The following SMN2 variants were observed in gnomAD, a reference collection of about 807,000 sequenced individuals.
SMN2 encodes the protein survival motor neuron protein.
SMN2 carries 1 observed loss-of-function variant against 2.8 expected under a neutral mutation model. That is an observed-to-expected ratio of 0.35 (90% CI 0.13 to 1.68). SMN2 has a LOEUF of 1.68. Among genes scored for constraint, SMN2 ranks in the 40% most tolerant of loss-of-function variants. The probability of loss-of-function intolerance (pLI) is 0.35; values close to 1 mark genes in which losing one functional copy is unlikely to be tolerated. For missense variants in SMN2, 12 were observed against 16.9 expected, an observed-to-expected ratio of 0.71 and a Z score of 0.51; for synonymous variants, 5 against 5.0, an observed-to-expected ratio of 0.99 and a Z score of 0.01.
rs1363074123 is a variant in SMN2, at chr5:70,074,830, T to C, written c.835-1691T>C. On this transcript the variant is annotated intron_variant, in intron 7 of 8. Transcript: ENST00000380743. ...CAACATGGAGAAACCCTGTCTCTAC[T>C]AAAAATACAAAACTAGCCGGGCATG... Among the ~76,000 whole-genome samples the C allele has an allele frequency of 2.8e-5, 3 of 108,720 alleles. No homozygotes were observed. In the East Asian group the frequency reaches 8.3e-4, roughly 30 times the overall value. 71.3% of individuals were successfully genotyped at this position (108,720 alleles called of 152,430 possible).
rs1335821414 is a variant in SMN2 at position 70,076,001 on chromosome 5, C to G, written c.835-520C>G. On this transcript the variant is annotated intron_variant, in intron 7 of 8. Transcript: ENST00000380743. Reference sequence around the variant, plus strand: ...CCCAAGTAGCTGGGATTAGAGGTCCCCACCACCATGCCTGGCTAATTTTTT... The same window carrying G: ...CCCAAGTAGCTGGGATTAGAGGTCCGCACCACCATGCCTGGCTAATTTTTT... Among the ~76,000 whole-genome samples the G allele has an allele frequency of 1.1e-3, 133 of 126,014 alleles. 40 individuals are homozygous for G. The highest frequency in any genetic ancestry group is 4.6e-3 in the African/African-American group (128 of 27,972). 82.7% of individuals were successfully genotyped at this position (126,014 alleles called of 152,430 possible).
chr5:70,082,259 G>A (rs1230182363), downstream of SMN2, among the ~76,000 whole-genome samples: 1 of 123,592 alleles, frequency 8.1e-6, no homozygotes, highest in South Asian at 2.5e-4. Flanking sequence ...GCTGGATTCG[G>A]TTTGCCAGTA....
At chr5:70,083,072 T>C (rs1742055637), downstream of SMN2, among the ~76,000 whole-genome samples, 1 of 37,212 alleles carries the variant, frequency 2.7e-5, no homozygotes, top group East Asian at 6.2e-4. Flanking sequence ...TTTGTTCTCG[T>C]TGGTTTCAAA....
chr5:70,083,487 G>A (rs1318561350), downstream of SMN2, among the ~76,000 whole-genome samples: 1 of 135,598 alleles, frequency 7.4e-6, no homozygotes, highest in Non-Finnish European at 1.5e-5. Context: ...ATGCTGCTAT[G>A]AAGACACATG....
downstream of SMN2, among the ~76,000 whole-genome samples, chr5:70,079,904 G>A (rs1440142204): frequency 9.1e-5 from 9 of 98,798 alleles, no homozygotes; most frequent in African/African-American, 3.6e-4. Context: ...CTCCCACCTC[G>A]GGCTCCCAAA....
chr5:70,079,819 C>CT (rs200191056), downstream of SMN2, among the ~76,000 whole-genome samples: 139 of 32,784 alleles, frequency 4.2e-3, 15 homozygotes, highest in Admixed American at 8.6e-3. Context: ...CTTCTGTACA[C>CT]TTTTTTTTTT....
At chr5:70,075,667 T>C (rs1774729144) in intron 7 of SMN2, among the ~76,000 whole-genome samples, 1 of 120,968 alleles carries the variant, frequency 8.3e-6, no homozygotes. Flanking sequence ...TTTTTAAATT[T>C]TTTACATTTA....
At chr5:70,079,448 A>AAAAC (rs1774822044), downstream of SMN2, among the ~76,000 whole-genome samples, 1 of 149,812 alleles carries the variant, frequency 6.7e-6, no homozygotes, top group Non-Finnish European at 1.5e-5. Context: ...AAAAAAAAAA[A>AAAAC]AAACACGTTA....
chr5:70,083,755 G>T, the SMN2 span, among the ~76,000 whole-genome samples: 12 of 128,004 alleles, frequency 9.4e-5, no homozygotes, highest in Admixed American at 8.7e-4. Flanking sequence ...TGAACAATGA[G>T]AACACATGGA....
At position 70,075,865 on chromosome 5, in the gene SMN2, T is replaced by A. The variant is rs1365674712; in HGVS notation, c.835-656T>A. On this transcript the variant is annotated intron_variant, in intron 7 of 8. Coordinates refer to ENST00000380743, the MANE Select transcript of SMN2 (RefSeq NM_017411.4). ...AATTTTTATTTTTATTTATTTATTT[T>A]TTTTTGAGACAGAGTCTTGCTCTGT... Among the ~76,000 whole-genome samples, 80 of 114,262 alleles carry A rather than the reference T, an allele frequency of 7.0e-4. 5 individuals carry two copies. The East Asian group carries it at 0.011, about 15-fold the overall frequency. 75.0% of individuals were successfully genotyped at this position (114,262 alleles called of 152,430 possible).
downstream of SMN2, among the ~76,000 whole-genome samples, chr5:70,079,686 G>T (rs549664501): frequency 3.6e-5 from 5 of 137,956 alleles, no homozygotes; most frequent in South Asian, 1.1e-3. Context: ...GAGTACAGGA[G>T]GTTGAGGCTG....
rs1389687734 is a variant in SMN2, at chr5:70,075,940, G to A, written c.835-581G>A. 6.5e-5 allele frequency among the ~76,000 whole-genome samples: 8 copies of A among 124,002 alleles called. No individual in the cohort carries two copies. In the East Asian group the frequency reaches 1.3e-3, roughly 20 times the overall value. 81.4% of individuals were successfully genotyped at this position (124,002 alleles called of 152,430 possible). On this transcript the variant is annotated intron_variant, in intron 7 of 8. Coordinates refer to ENST00000380743, the MANE Select transcript of SMN2 (RefSeq NM_017411.4). ...TAAATCTCAGCTCACTGCAGCCTCC[G>A]CCTCCTGGGTTCAAGTGATTCTCCT... is the stretch of plus-strand genomic sequence containing the variant.
At chr5:70,083,626 G>A in the SMN2 span, among the ~76,000 whole-genome samples, 1 of 135,740 alleles carries the variant, frequency 7.4e-6, no homozygotes, top group East Asian at 2.1e-4. Context: ...GCAACCATAA[G>A]AAATGATGAG....
At chr5:70,084,941 A>T in the SMN2 span, among the ~76,000 whole-genome samples, 1 of 138,366 alleles carries the variant, frequency 7.2e-6, no homozygotes, top group East Asian at 2.1e-4. Flanking sequence ...AACCTTACCC[A>T]GATATTCCCA....
intron 7 of SMN2, chr5:70,071,400 AC>A (rs1291737829): frequency 3.2e-5 from 4 of 124,340 alleles, no homozygotes; most frequent in African/African-American, 1.2e-4. Context: ...GGTAATGTGT[AC>A]CACATTGAAC....
intron 1 of SMN2, among the ~76,000 whole-genome samples, chr5:70,052,542 TAAAAAA>T (rs1319920885): frequency 6.2e-5 from 1 of 16,200 alleles, no homozygotes; most frequent in Non-Finnish European, 1.6e-4. Flanking sequence ...ACTTTGTCTT[TAAAAAA>T]AAAAAAAAAA....
chr5:70,074,960 C>T (rs1376271229), intron 7 of SMN2, among the ~76,000 whole-genome samples: 2 of 127,008 alleles, frequency 1.6e-5, no homozygotes, highest in East Asian at 4.4e-4. Flanking sequence ...CCATTGCACT[C>T]CAGCCTGGGC....
the SMN2 span, among the ~76,000 whole-genome samples, chr5:70,084,548 T>C: frequency 7.3e-6 from 1 of 137,388 alleles, no homozygotes; most frequent in African/African-American, 3.1e-5. Context: ...TATTAATCTA[T>C]ATTTATACCA....
At chr5:70,083,606 G>C in the SMN2 span, among the ~76,000 whole-genome samples, 3 of 136,466 alleles carry the variant, frequency 2.2e-5, 1 homozygote, top group Non-Finnish European at 4.6e-5. Context: ...TATACACCAT[G>C]GAATACTATG....
Sources: gnomAD v4.1 joint callset for allele counts (sites outside exome capture counted in the v4.1 genomes callset) on GRCh38, gnomAD v4.1.1 for gene constraint, MANE v1.5 for transcripts, NCBI Gene and HGNC (gene_info 2026-07-23, HGNC 2026-07-21) for gene names.